Variants in SCN9A observed in about 807,000 individuals in gnomAD.
SCN9A encodes sodium channel protein type 9 subunit alpha.
SCN9A carries 131 observed loss-of-function variants against 187.0 expected under a neutral mutation model. The observed-to-expected ratio is 0.70, with a 90% CI of 0.61 to 0.81. SCN9A has a LOEUF of 0.81. Ranked by LOEUF, SCN9A falls within the 30% of genes least tolerant of loss-of-function variation. The probability of loss-of-function intolerance (pLI) is 0.00; values close to 1 mark genes in which losing one functional copy is unlikely to be tolerated. For synonymous variants in SCN9A, 809 were observed against 808.6 expected (o/e 1.00, Z -0.01); for missense variants, 2,252 against 2,396.6 (o/e 0.94, Z 1.26).
In SCN9A at chr2:166,227,830, G is replaced by T. The variant is rs371764081; in HGVS notation, c.4207-107C>A. 4.5e-5 allele frequency: 31 copies of T among 693,698 alleles called. No homozygotes were observed. The East Asian group carries it at 7.1e-4, about 16-fold the overall frequency. 43.0% of individuals were successfully genotyped at this position (693,698 alleles called of 1,614,324 possible). ...TTACCACAATTATTAAGTAATACTA[G>T]TAAGTTTTGCTGTATTCAACATGTC... On this transcript the variant is annotated intron_variant, in intron 22 of 26. Transcript: ENST00000642356.
intron 1 of SCN9A, among the ~76,000 whole-genome samples, chr2:166,374,510 A>G (rs1365458914): frequency 6.6e-6 from 1 of 152,190 alleles, no homozygotes; most frequent in Admixed American, 6.5e-5. Context: ...AATTATAAGA[A>G]AAAATTATAA....
chr2:166,265,726 A>G (rs1414701344), intron 17 of SCN9A, among the ~76,000 whole-genome samples: 1 of 151,820 alleles, frequency 6.6e-6, no homozygotes, highest in African/African-American at 2.4e-5. Flanking sequence ...TTAAACACTT[A>G]TATCTTTTGA....
rs1352190561 is a variant in SCN9A, at chr2:166,370,558, A to T, written c.-51+5139T>A. Among the ~76,000 whole-genome samples, 11 of 143,996 alleles carry T rather than the reference A, an allele frequency of 7.6e-5. 1 individual carries two copies. The highest frequency in any genetic ancestry group is 4.4e-4 in the South Asian group (2 of 4,504). 94.5% of individuals were successfully genotyped at this position (143,996 alleles called of 152,430 possible). A position where few individuals can be genotyped will look rare whatever the true frequency, so the allele number is the denominator to read the frequency against. The stretch of plus-strand genomic sequence containing the variant: ...ACTCCGTCTCAAAAAAATAAAAAAT[A>T]AAAAAAAAAAAGAATCTTTAAAAAT... On this transcript the variant is annotated intron_variant, in intron 1 of 26. Coordinates refer to ENST00000642356, the MANE Select transcript of SCN9A (RefSeq NM_001365536.1).
At chr2:166,333,315 T>C (rs558207456) in intron 1 of SCN9A, among the ~76,000 whole-genome samples, 72 of 152,276 alleles carry the variant, frequency 4.7e-4, no homozygotes, top group Admixed American at 8.5e-4. Context: ...GAGATTTCTT[T>C]TCTGAAAATT....
chr2:166,220,004 A>G (rs190386361), intron 24 of SCN9A, among the ~76,000 whole-genome samples: 3 of 152,336 alleles, frequency 2.0e-5, no homozygotes, highest in Admixed American at 1.3e-4. Flanking sequence ...CCTGATGAAC[A>G]TAGATGCAAA....
At chr2:166,331,578 C>T (rs1226029248) in intron 1 of SCN9A, among the ~76,000 whole-genome samples, 1 of 152,144 alleles carries the variant, frequency 6.6e-6, no homozygotes, top group Non-Finnish European at 1.5e-5. Flanking sequence ...GGCAAATGAG[C>T]AAGACATCCT....
intron 1 of SCN9A, among the ~76,000 whole-genome samples, chr2:166,318,517 T>C (rs57861261): frequency 0.14 from 21,167 of 151,384 alleles, 1,511 homozygotes; most frequent in East Asian, 0.18. Context: ...TTGTGGGATA[T>C]TGAGAAGTTA....
chr2:166,302,991 C>T, intron 7 of SCN9A, 99 bp downstream of exon 7: 1 of 966,588 alleles, frequency 1.0e-6, no homozygotes, highest in East Asian at 2.6e-5. Context: ...ATTTGAATAG[C>T]TTTGAAATGA....
chr2:166,325,597 T>C (rs1699343816), intron 1 of SCN9A, among the ~76,000 whole-genome samples: 1 of 152,144 alleles, frequency 6.6e-6, no homozygotes, highest in Admixed American at 6.5e-5. Context: ...TAAGTACAAT[T>C]TAACTCCCTC....
chr2:166,274,842 T>A (rs1697162328), intron 16 of SCN9A, among the ~76,000 whole-genome samples: 1 of 152,190 alleles, frequency 6.6e-6, no homozygotes, highest in Admixed American at 6.5e-5. Flanking sequence ...TATTATCCAT[T>A]GTTCAAAGGC....
At chr2:166,371,593 A>T (rs535039496) in intron 1 of SCN9A, among the ~76,000 whole-genome samples, 2 of 152,196 alleles carry the variant, frequency 1.3e-5, no homozygotes, top group Non-Finnish European at 2.9e-5. Context: ...TTCTACCCAC[A>T]TTCTCTGGAT....
chr2:166,340,552 TTC>T lies in SCN9A; in HGVS notation c.-50-28748_-50-28747del, dbSNP rs756996519. Among the ~76,000 whole-genome samples the T allele has an allele frequency of 4.5e-3, 320 of 71,484 alleles. 8 individuals are homozygous for T. Among genetic ancestry groups the T allele is most frequent in the Non-Finnish European group, 3.5e-3 (136 of 38,314 alleles). The allele number at this position is 71,484 out of a possible 152,430, so 46.9% of individuals were successfully genotyped here. On this transcript the variant is annotated intron_variant, in intron 1 of 26. Transcript: ENST00000642356. ...CTTTCTTTTCTTTCCCTTTCTTTCT[TTC>T]TTTCTTTCTTTCTTTCTTTCTTTCT...
chr2:166,216,838 C>T (rs1450079393), intron 24 of SCN9A, among the ~76,000 whole-genome samples: 1 of 151,884 alleles, frequency 6.6e-6, no homozygotes, highest in Non-Finnish European at 1.5e-5. Context: ...TCAATGCAAT[C>T]CCTATCAAAA....
Position 166,228,959 on chromosome 2 carries a change from G to A in SCN9A, c.3938C>T (p.Ala1313Val). The A allele has an allele frequency of 1.9e-6, 3 of 1,612,264 alleles. No individual in the cohort carries two copies. The highest frequency in any genetic ancestry group is 1.1e-5 in the South Asian group (1 of 90,926). Residue 1313 changes from alanine to valine, a missense_variant, in exon 22 of 27, where the codon GCA becomes GTA. Around this residue, in one of 7 missense-constraint regions of SCN9A, gnomAD observed 368 missense variants for 408.6 expected, o/e 0.90. Transcript: ENST00000642356. ...GATGGAAGGAATTGCTCCTATGAGT[G>A]CATTCACAACGACCTAGTATTCAAA... ...RFEGMRVVVN[A>V]LIGAIPSIMN...
chr2:166,343,381 T>C (rs7584892), intron 1 of SCN9A, among the ~76,000 whole-genome samples: 7,972 of 152,142 alleles, frequency 0.052, 683 homozygotes, highest in African/African-American at 0.18. Flanking sequence ...AAATACTAGA[T>C]TACTTTTCTG....
chr2:166,299,209 T>G (rs955860288), intron 7 of SCN9A, among the ~76,000 whole-genome samples: 4 of 143,412 alleles, frequency 2.8e-5, no homozygotes, highest in African/African-American at 9.0e-5. Flanking sequence ...AACCCATATA[T>G]TTTTTTAAAT....
rs1697031893 is a variant in SCN9A at position 166,272,408 on chromosome 2, G to A, written c.3342C>T (p.Tyr1114=). 6.3e-7 allele frequency: 1 copy of A among 1,579,402 alleles called. No individual in the cohort carries two copies. Among genetic ancestry groups the A allele is most frequent in the East Asian group, 2.3e-5 (1 of 44,140 alleles). Reference sequence around the variant, plus strand: ...TATGAAGCATTCTTACCACTTTGCTGTATTCACTATCCGAATCACTGCTAA... The same window carrying A: ...TATGAAGCATTCTTACCACTTTGCTATATTCACTATCCGAATCACTGCTAA... ...EELSSDSDSE[Y]SKVRLNRSSS... Residue 1114 remains tyrosine, a synonymous_variant, in exon 17 of 27, where the codon TAC becomes TAT. Coordinates refer to ENST00000642356, the MANE Select transcript of SCN9A (RefSeq NM_001365536.1).
intron 1 of SCN9A, among the ~76,000 whole-genome samples, chr2:166,354,703 C>G (rs962482377): frequency 6.6e-6 from 1 of 152,056 alleles, no homozygotes; most frequent in African/African-American, 2.4e-5. Context: ...TTAATTTTTG[C>G]CATTAAAATA....
At position 166,284,572 on chromosome 2, in the gene SCN9A, G is replaced by A; in HGVS notation, c.1855C>T (p.His619Tyr). Residue 619 changes from histidine to tyrosine, a missense_variant, in exon 12 of 27, where the codon CAC (histidine) becomes TAC (tyrosine). This residue lies in a region of SCN9A where 1,013 missense variants were observed against 997.4 expected (regional missense o/e 1.02). Transcript: ENST00000642356. ...PPMLPVNGKM[H>Y]SAVDCNGVVS... is the part of the protein sequence containing the mutation. ...ACACCGTTGCAGTCCACAGCACTGT[G>A]CATTTTCCCGTTCACCGGCAGCATT... is the stretch of plus-strand genomic sequence containing the variant. 6.2e-7 allele frequency: 1 copy of A among 1,614,152 alleles called. No individual in the cohort carries two copies. The highest frequency in any genetic ancestry group is 8.5e-7 in the Non-Finnish European group (1 of 1,179,998).
Sources: gnomAD v4.1 joint callset for allele counts (sites outside exome capture counted in the v4.1 genomes callset) on GRCh38, gnomAD v4.1.1 for gene constraint, gnomAD v4.1.1 regional missense constraint, MANE v1.5 for transcripts, NCBI Gene and HGNC (gene_info 2026-07-23, HGNC 2026-07-21) for gene names.